The following WIPI2 variants were observed in gnomAD, a reference collection of about 807,000 sequenced individuals.
WIPI2 encodes WD repeat domain phosphoinositide-interacting protein 2.
WIPI2 carries 28 observed loss-of-function variants against 52.3 expected under a neutral mutation model. That is an observed-to-expected ratio of 0.54 (90% confidence interval 0.40 to 0.73). The LOEUF (loss-of-function observed/expected upper bound fraction) is 0.73. Among genes scored for constraint, WIPI2 ranks in the 30% least tolerant of loss-of-function variants. The pLI is 0.00. For synonymous variants in WIPI2, 268 were observed against 245.0 expected (o/e 1.09, Z -0.88); for missense variants, 506 against 602.9 (o/e 0.84, Z 1.68).
At chr7:5,219,668 G>A (rs751385515) in intron 7 of WIPI2, among the ~76,000 whole-genome samples, 2 of 152,166 alleles carry the variant, frequency 1.3e-5, no homozygotes, top group African/African-American at 2.4e-5. Context: ...GTAGACGTGC[G>A]CCACAAAATT....
chr7:5,216,329 G>C, intron 4 of WIPI2: 1 of 338,182 alleles, frequency 3.0e-6, no homozygotes. Flanking sequence ...CTACTTGGGA[G>C]GCTGAGGCAG....
intron 1 of WIPI2, among the ~76,000 whole-genome samples, chr7:5,192,449 T>G (rs1781528807): frequency 6.6e-6 from 1 of 152,230 alleles, no homozygotes; most frequent in African/African-American, 2.4e-5. Flanking sequence ...TCTCTTTTAC[T>G]GTTACTTCAG....
Position 5,227,209 on chromosome 7 carries a change from G to T in WIPI2, c.878G>T (p.Gly293Val). The change falls in exon 10 of 13, where the codon GGG becomes GTG. Residue 293 changes from glycine (G) to valine (V), a missense_variant. This residue lies in a region of WIPI2 where 237 missense variants were observed against 346.9 expected (regional missense o/e 0.68). Coordinates refer to ENST00000288828, the MANE Select transcript of WIPI2 (RefSeq NM_015610.4). This position sits in a 1 kb window ranked among gnomAD's most constrained non-coding sequence, Gnocchi z 8.1. ...KPPEEPTTWT[G>V]YFGKVLMAST... ...CCAGAGGAGCCCACCACCTGGACCG[G>T]GTACTTCGGGAAAGTGCTCATGGCC... The T allele has an allele frequency of 6.2e-7, 1 of 1,614,018 alleles. No homozygotes were observed. The highest frequency in any genetic ancestry group is 8.5e-7 in the Non-Finnish European group (1 of 1,180,020).
intron 1 of WIPI2, among the ~76,000 whole-genome samples, chr7:5,192,463 G>T (rs552485120): frequency 3.0e-4 from 45 of 152,274 alleles, no homozygotes; most frequent in Non-Finnish European, 6.3e-4. Context: ...ACTTCAGCTG[G>T]ACTGCCATGT....
intron 3 of WIPI2, among the ~76,000 whole-genome samples, chr7:5,204,188 C>T (rs1040423893): frequency 7.9e-5 from 12 of 152,158 alleles, no homozygotes; most frequent in African/African-American, 2.2e-4. Flanking sequence ...TCATCTGGGC[C>T]GGGCGCGGTG....
chr7:5,215,777 A>G (rs1254895897), intron 4 of WIPI2, among the ~76,000 whole-genome samples: 1 of 142,552 alleles, frequency 7.0e-6, no homozygotes, highest in Non-Finnish European at 1.6e-5. Context: ...ACGTCCAACT[A>G]ATGTAGAGCT....
rs1321630068 is a variant in WIPI2, at chr7:5,227,201, C to A, written c.870C>A (p.Thr290=). The A allele has an allele frequency of 6.2e-7, 1 of 1,614,010 alleles. No homozygotes were observed. The highest frequency in any genetic ancestry group is 2.2e-5 in the East Asian group (1 of 44,884). Residue 290 remains threonine, a synonymous_variant, in exon 10 of 13, where the codon ACC becomes ACA. Coordinates refer to ENST00000288828, the MANE Select transcript of WIPI2 (RefSeq NM_015610.4). The surrounding 1 kb of genome is among the most constrained non-coding windows in gnomAD (Gnocchi z 8.1). The part of the protein sequence containing the change: ...VKEKPPEEPT[T]WTGYFGKVLM... ...CCAGACCCCCAGAGGAGCCCACCAC[C>A]TGGACCGGGTACTTCGGGAAAGTGC... is the stretch of plus-strand genomic sequence containing the variant.
intron 8 of WIPI2, among the ~76,000 whole-genome samples, chr7:5,225,364 A>G (rs1783376902): frequency 6.6e-6 from 1 of 151,982 alleles, no homozygotes; most frequent in South Asian, 2.1e-4. Flanking sequence ...GATGGTCTCG[A>G]TATCTTGACC....
At chr7:5,229,928 C>CT (rs1783644431) in intron 12 of WIPI2, among the ~76,000 whole-genome samples, 190 bp downstream of exon 12, 2 of 136,292 alleles carry the variant, frequency 1.5e-5, no homozygotes, top group Non-Finnish European at 3.1e-5. Context: ...AGTTTCGTTT[C>CT]CTTTTTTTTT....
At chr7:5,225,753 G>A (rs972174135) in intron 8 of WIPI2, 70 bp from the exon 9 acceptor site, 172 of 1,130,728 alleles carry the variant, frequency 1.5e-4, no homozygotes, top group East Asian at 3.7e-4. Context: ...ACTCTTCTCC[G>A]CCACTTGAGT....
intron 4 of WIPI2, 148 bp downstream of exon 4, chr7:5,214,852 C>G: frequency 2.3e-6 from 2 of 886,146 alleles, no homozygotes; most frequent in Non-Finnish European, 3.5e-6. Flanking sequence ...CAGAGACCAG[C>G]TCTGTTTCCT....
At position 5,213,973 on chromosome 7, in the gene WIPI2, C is replaced by A. The variant is rs1355483029; in HGVS notation, c.212-562C>A. Among the ~76,000 whole-genome samples, 6 of 152,362 alleles carry A rather than the reference C, an allele frequency of 3.9e-5. No homozygotes were observed. The East Asian group carries it at 1.2e-3, about 29-fold the overall frequency. ...GTGCTGGGATTACAGGCGTGAGCCACCGCGCCCGGCCCCTTCAGGGCATTT... is the reference window on the plus strand; with the variant it reads ...GTGCTGGGATTACAGGCGTGAGCCAACGCGCCCGGCCCCTTCAGGGCATTT... On this transcript the variant is annotated intron_variant, in intron 3 of 12. Coordinates refer to ENST00000288828, the MANE Select transcript of WIPI2 (RefSeq NM_015610.4).
rs759994399 is a variant in WIPI2, at chr7:5,230,866, C to T, written c.1284C>T (p.Gly428=). 2.6e-5 allele frequency: 42 copies of T among 1,613,604 alleles called. No homozygotes were observed. Among genetic ancestry groups the T allele is most frequent in the African/African-American group, 2.0e-4 (15 of 74,902 alleles). ...AYTDDLGAVG[G]ACLEDEASAL... Reference sequence around the variant, plus strand: ...CAGACGACCTGGGTGCTGTGGGTGGCGCCTGCCTGGAGGACGAGGCCAGCG... The same window carrying T: ...CAGACGACCTGGGTGCTGTGGGTGGTGCCTGCCTGGAGGACGAGGCCAGCG... The change falls in exon 13 of 13, where the codon GGC becomes GGT. Residue 428 remains glycine, a synonymous_variant. Transcript: ENST00000288828. This position sits in a 1 kb window ranked among gnomAD's most constrained non-coding sequence, Gnocchi z 4.8.
intron 3 of WIPI2, among the ~76,000 whole-genome samples, chr7:5,212,875 T>C (rs1782626375): frequency 6.6e-6 from 1 of 152,264 alleles, no homozygotes; most frequent in Non-Finnish European, 1.5e-5. Flanking sequence ...TTAGTATCCA[T>C]GTCAATCTCC....
intron 7 of WIPI2, 67 bp from the exon 8 acceptor site, chr7:5,222,535 C>A: frequency 6.7e-7 from 1 of 1,501,200 alleles, no homozygotes; most frequent in Non-Finnish European, 9.3e-7. Flanking sequence ...TTGCAGTCTG[C>A]TGTGAAAGAT....
At chr7:5,209,553 T>C (rs1782453239) in intron 3 of WIPI2, among the ~76,000 whole-genome samples, 2 of 152,336 alleles carry the variant, frequency 1.3e-5, no homozygotes, top group South Asian at 2.1e-4. Flanking sequence ...GCACAGTCTT[T>C]CTCTGTGCAG....
intron 2 of WIPI2, among the ~76,000 whole-genome samples, chr7:5,196,945 C>T (rs185889061): frequency 6.6e-6 from 1 of 151,822 alleles, no homozygotes; most frequent in African/African-American, 2.4e-5. Flanking sequence ...AACCCCATCT[C>T]TACTAGAAAT....
rs1235508892 is a variant in WIPI2 at position 5,231,441 on chromosome 7, G to C, written c.*494G>C. The C allele has an allele frequency of 6.5e-6, 1 of 152,674 alleles. No homozygotes were observed. The allele number at this position is 152,674 out of a possible 1,614,324, so 9.5% of individuals were successfully genotyped here. ...AGGTGTGCTGGGCAGACTTCAGCTG[G>C]GACAGAAGTCCGATCTCCCTAGGGC... On this transcript the variant is annotated 3_prime_UTR_variant, in exon 13 of 13. Transcript: ENST00000288828.
intron 3 of WIPI2, among the ~76,000 whole-genome samples, chr7:5,211,502 C>G (rs930320562): frequency 6.6e-6 from 1 of 152,118 alleles, no homozygotes; most frequent in African/African-American, 2.4e-5. Context: ...TCGCATGTGT[C>G]TACGGACGGC....
Sources: allele counts gnomAD v4.1 joint callset (sites outside exome capture counted in the v4.1 genomes callset), GRCh38; gene constraint gnomAD v4.1.1; regional missense constraint gnomAD v4.1.1; non-coding constraint Gnocchi (gnomAD v3.1); transcripts MANE v1.5; gene names NCBI Gene and HGNC (gene_info 2026-07-23, HGNC 2026-07-21).